The following IL1RAPL2 variants were observed in gnomAD, a reference collection of about 807,000 sequenced individuals.
The protein encoded by IL1RAPL2 is interleukin 1 receptor accessory protein like 2, also known as X-linked interleukin-1 receptor accessory protein-like 2.
Under a neutral mutation model 44.1 loss-of-function variants are expected in IL1RAPL2, and 3 were observed. The observed-to-expected ratio is 0.07, with a 90% CI of 0.03 to 0.18. IL1RAPL2 has a LOEUF of 0.18. Ranked by LOEUF, IL1RAPL2 falls within the 10% of genes least tolerant of loss-of-function variation. The pLI is 1.00. For missense variants in IL1RAPL2, 391 were observed against 496.4 expected, an observed-to-expected ratio of 0.79 and a Z score of 2.02; for synonymous variants, 181 against 178.8, an observed-to-expected ratio of 1.01 and a Z score of -0.10.
At chrX:104,961,642 T>A (rs1401430451) in intron 2 of IL1RAPL2, among the ~76,000 whole-genome samples, 1 of 111,835 alleles carries the variant, frequency 8.9e-6, no homozygotes, top group Non-Finnish European at 1.9e-5. Context: ...TCAACTACTT[T>A]GTTTCATTTT....
chrX:104,792,267 A>AC (rs1370005898), intron 2 of IL1RAPL2, among the ~76,000 whole-genome samples: 1 of 111,038 alleles, frequency 9.0e-6, no homozygotes, highest in Admixed American at 9.6e-5. Flanking sequence ...TGATTGGGGC[A>AC]CAACGATATT....
At chrX:104,567,416 T>G (rs1928058928) in intron 1 of IL1RAPL2, among the ~76,000 whole-genome samples, 1 of 112,339 alleles carries the variant, frequency 8.9e-6, no homozygotes, top group African/African-American at 3.2e-5. Flanking sequence ...CTGCCCACAT[T>G]TCTGCCGCAG....
intron 5 of IL1RAPL2, among the ~76,000 whole-genome samples, chrX:105,341,803 A>G (rs1032534944): frequency 4.5e-5 from 5 of 110,215 alleles, no homozygotes; most frequent in African/African-American, 1.7e-4. Context: ...TGGGGGCGGG[A>G]GCCTGTAATC....
At position 105,169,776 on chromosome X, in the gene IL1RAPL2, C is replaced by T. The variant is rs185957219; in HGVS notation, c.83-25699C>T. On this transcript the variant is annotated intron_variant, in intron 2 of 10. Transcript: ENST00000372582. ...AACTTGCGACCTCAGATGATCTGCC[C>T]GCTTTGGCCTCCCAAAGTGTTGGGA... Among the ~76,000 whole-genome samples the T allele has an allele frequency of 4.9e-4, 53 of 109,183 alleles. 1 individual carries two copies. The highest frequency in any genetic ancestry group is 1.8e-3 in the African/African-American group (53 of 29,870). 94.8% of individuals were successfully genotyped at this position (109,183 alleles called of 115,157 possible). A position where few individuals can be genotyped will look rare whatever the true frequency, so the allele number is the denominator to read the frequency against.
chrX:104,820,145 A>T (rs750493131), intron 2 of IL1RAPL2, among the ~76,000 whole-genome samples: 1 of 111,948 alleles, frequency 8.9e-6, no homozygotes, highest in African/African-American at 3.2e-5. Context: ...GATCAATATC[A>T]GAGACAGATA....
At chrX:104,605,081 A>G (rs1017939228) in intron 1 of IL1RAPL2, among the ~76,000 whole-genome samples, 3 of 111,861 alleles carry the variant, frequency 2.7e-5, no homozygotes, top group Non-Finnish European at 5.6e-5. Flanking sequence ...AAACACTCCT[A>G]AGCAAATGTA....
intron 6 of IL1RAPL2, among the ~76,000 whole-genome samples, chrX:105,700,490 T>C (rs2038110839): frequency 9.0e-6 from 1 of 111,630 alleles, no homozygotes; most frequent in Non-Finnish European, 1.9e-5. Flanking sequence ...AACATAGCTG[T>C]CTGTCATTCT....
chrX:104,824,856 G>A (rs1227829285), intron 2 of IL1RAPL2, among the ~76,000 whole-genome samples: 6 of 110,770 alleles, frequency 5.4e-5, no homozygotes, highest in African/African-American at 1.6e-4. Context: ...TTTATTTTTT[G>A]AAGGGTTTTT....
In IL1RAPL2 at chrX:105,439,830, A is replaced by G. The variant is rs141596240; in HGVS notation, c.698-44483A>G. Among the ~76,000 whole-genome samples, 62 of 112,221 alleles carry G rather than the reference A, an allele frequency of 5.5e-4. No homozygotes were observed. The East Asian group carries it at 6.2e-3, about 11-fold the overall frequency. On this transcript the variant is annotated intron_variant, in intron 5 of 10. Transcript: ENST00000372582. The stretch of plus-strand genomic sequence containing the variant: ...AAGATTATTTCGGGTAATGAAAAAC[A>G]TCTGATGACCTTGGCCGACTACTAA...
At chrX:104,950,188 C>G in intron 2 of IL1RAPL2, among the ~76,000 whole-genome samples, 1 of 111,421 alleles carries the variant, frequency 9.0e-6, no homozygotes, top group Non-Finnish European at 1.9e-5. Flanking sequence ...CCTTCTTTGT[C>G]TCTTTTGATC....
At chrX:105,587,729 C>A (rs1168997783) in intron 6 of IL1RAPL2, among the ~76,000 whole-genome samples, 2 of 111,579 alleles carry the variant, frequency 1.8e-5, no homozygotes, top group Non-Finnish European at 3.8e-5. Context: ...TAACTTGATC[C>A]TGAAAATATG....
intron 2 of IL1RAPL2, among the ~76,000 whole-genome samples, chrX:105,026,268 T>C (rs2031371368): frequency 9.0e-6 from 1 of 110,853 alleles, no homozygotes; most frequent in African/African-American, 3.3e-5. Flanking sequence ...ATTTTGGATT[T>C]TTTAAAATTT....
intron 2 of IL1RAPL2, among the ~76,000 whole-genome samples, chrX:104,936,193 C>G (rs1925022385): frequency 8.9e-6 from 1 of 111,774 alleles, no homozygotes; most frequent in Non-Finnish European, 1.9e-5. Flanking sequence ...TTCTCCTGTT[C>G]CAAAAGACAA....
chrX:104,692,040 G>A (rs1379116673), intron 2 of IL1RAPL2, among the ~76,000 whole-genome samples: 1 of 111,837 alleles, frequency 8.9e-6, no homozygotes, highest in Non-Finnish European at 1.9e-5. Flanking sequence ...TCTTGCTTGT[G>A]TGTTACTGGT....
At chrX:105,662,406 C>A (rs766823162) in intron 6 of IL1RAPL2, among the ~76,000 whole-genome samples, 1 of 111,663 alleles carries the variant, frequency 9.0e-6, no homozygotes, top group Admixed American at 9.6e-5. Flanking sequence ...GTTTTGTGTA[C>A]CCAATCTCTT....
At chrX:105,558,914 A>T (rs921999014) in intron 6 of IL1RAPL2, among the ~76,000 whole-genome samples, 12 of 111,632 alleles carry the variant, frequency 1.1e-4, no homozygotes, top group African/African-American at 3.9e-4. Context: ...TGTTTACCTC[A>T]AGTTTTGTTA....
intron 2 of IL1RAPL2, among the ~76,000 whole-genome samples, chrX:105,015,495 G>A (rs936549107): frequency 9.0e-6 from 1 of 111,720 alleles, no homozygotes; most frequent in African/African-American, 3.3e-5. Context: ...TTTGTATAAG[G>A]CGTAAAGAAG....
chrX:105,758,497 G>A (rs2038659129), intron 10 of IL1RAPL2, among the ~76,000 whole-genome samples: 1 of 110,745 alleles, frequency 9.0e-6, no homozygotes, highest in African/African-American at 3.3e-5. Flanking sequence ...GGTGAGCTGG[G>A]GGTGTCTGTA....
At chrX:105,299,148 A>T (rs1404046941) in intron 5 of IL1RAPL2, among the ~76,000 whole-genome samples, 1 of 111,755 alleles carries the variant, frequency 8.9e-6, no homozygotes, top group Non-Finnish European at 1.9e-5. Flanking sequence ...AATATGTTAG[A>T]TCTGTTTTTA....
Sources: gnomAD v4.1 joint callset for allele counts (sites outside exome capture counted in the v4.1 genomes callset) on GRCh38, gnomAD v4.1.1 for gene constraint, MANE v1.5 for transcripts, NCBI Gene and HGNC (gene_info 2026-07-23, HGNC 2026-07-21) for gene names.